ZNF225: variants seen among roughly 807,000 people sequenced by gnomAD.
ZNF225 encodes zinc finger protein 225.
ZNF225 carries 6 observed loss-of-function variants against 12.0 expected under a neutral mutation model. The ratio of observed to expected loss-of-function variants is 0.50; its 90% CI spans 0.27 to 0.98. The LOEUF (loss-of-function observed/expected upper bound fraction) is 0.98, where lower values mean the gene tolerates loss of function less well. Among genes scored for constraint, ZNF225 ranks in the 50% least tolerant of loss-of-function variants. The pLI, the probability that ZNF225 is intolerant of heterozygous loss-of-function variation, is 0.11. For synonymous variants in ZNF225, 271 were observed against 283.2 expected, an observed-to-expected ratio of 0.96 and a Z score of 0.43; for missense variants, 763 against 848.2, an observed-to-expected ratio of 0.90 and a Z score of 1.25.
At chr19:44,117,029 A>G (rs1222180947) in intron 2 of ZNF225, among the ~76,000 whole-genome samples, 1 of 152,232 alleles carries the variant, frequency 6.6e-6, no homozygotes, top group East Asian at 1.9e-4. Flanking sequence ...TATTTAGAGT[A>G]GATAAAAATA....
Position 44,131,035 on chromosome 19 carries a change from A to T in ZNF225, c.421A>T (p.Ile141Phe), listed in dbSNP as rs772531464. The T allele has an allele frequency of 2.1e-5, 34 of 1,613,946 alleles. No individual in the cohort carries two copies. The highest frequency in any genetic ancestry group is 3.4e-6 in the Non-Finnish European group (4 of 1,179,928). Residue 141 changes from isoleucine (I) to phenylalanine (F), a missense_variant, in exon 5 of 5, where the codon ATT becomes TTT. Physicochemically the swap from Ile to Phe is conservative, Grantham distance 21. Coordinates refer to ENST00000262894, the MANE Select transcript of ZNF225 (RefSeq NM_013362.4). ...PCQVDAGLSI[I>F]HVRQKPSEGR... Reference sequence around the variant, plus strand: ...CCAGGTTGATGCAGGACTATCTATAATTCACGTAAGACAGAAACCTTCTGA... The same window carrying T: ...CCAGGTTGATGCAGGACTATCTATATTTCACGTAAGACAGAAACCTTCTGA...
At chr19:44,119,984 C>T (rs990268011) in intron 4 of ZNF225, among the ~76,000 whole-genome samples, 1 of 152,108 alleles carries the variant, frequency 6.6e-6, no homozygotes, top group Non-Finnish European at 1.5e-5. Context: ...TTTCGGAGAC[C>T]AAGGTGGGTG....
At chr19:44,126,851 C>T (rs1366808321) in intron 4 of ZNF225, among the ~76,000 whole-genome samples, 2 of 152,198 alleles carry the variant, frequency 1.3e-5, no homozygotes, top group Non-Finnish European at 1.5e-5. Context: ...CCTCACCCAG[C>T]TCCCATGCAA....
chr19:44,117,913 G>A (rs1284316157), intron 2 of ZNF225, among the ~76,000 whole-genome samples: 1 of 152,146 alleles, frequency 6.6e-6, no homozygotes, highest in African/African-American at 2.4e-5. Context: ...CAGCTACTTG[G>A]GAGGCTGAGG....
In ZNF225 at chr19:44,132,210, A is replaced by T. The variant is rs1344099518; in HGVS notation, c.1596A>T (p.Arg532Ser). Residue 532 changes from arginine to serine, a missense_variant, in exon 5 of 5, where the codon AGA (arginine) becomes AGT (serine). Transcript: ENST00000262894. ...ATTCACAACTTTATTCTCATCGCAG[A>T]GTCCACACTGGAGTAAAGCCATACA... Reference protein sequence around the residue: ...TQNSQLYSHRRVHTGVKPYKC... With the variant: ...TQNSQLYSHRSVHTGVKPYKC... 6.2e-7 allele frequency: 1 copy of T among 1,613,984 alleles called. No individual in the cohort carries two copies. The highest frequency in any genetic ancestry group is 1.1e-5 in the South Asian group (1 of 91,070).
chr19:44,131,359 G>A lies in ZNF225; in HGVS notation c.745G>A (p.Val249Ile), dbSNP rs370079398. The A allele has an allele frequency of 1.2e-6, 2 of 1,614,008 alleles. No homozygotes were observed. The highest frequency in any genetic ancestry group is 1.7e-6 in the Non-Finnish European group (2 of 1,180,014). ...KGFSRRSGLY[V>I]HRKLHTGVKP... ...CTTTAGTCGTAGATCAGGACTTTAT[G>A]TTCATCGTAAATTACACACAGGAGT... The change falls in exon 5 of 5, where the codon GTT (valine) becomes ATT (isoleucine). Residue 249 changes from valine (V) to isoleucine (I), a missense_variant. Val to Ile is a conservative substitution (Grantham distance 29). Coordinates refer to ENST00000262894, the MANE Select transcript of ZNF225 (RefSeq NM_013362.4).
chr19:44,121,015 G>A (rs1205998162), intron 4 of ZNF225, among the ~76,000 whole-genome samples: 1 of 152,024 alleles, frequency 6.6e-6, no homozygotes, highest in Admixed American at 6.6e-5. Flanking sequence ...TCCTGCCTCA[G>A]CCTCTCAAGT....
At chr19:44,115,727 G>A (rs749722323) in intron 1 of ZNF225, 33 bp from the exon 2 acceptor site, 74 of 1,201,050 alleles carry the variant, frequency 6.2e-5, no homozygotes, top group Non-Finnish European at 8.2e-5. Flanking sequence ...ACACTTTCAT[G>A]TCTCTTTTTC....
At chr19:44,120,260 T>A in intron 4 of ZNF225, among the ~76,000 whole-genome samples, 1 of 152,186 alleles carries the variant, frequency 6.6e-6, no homozygotes, top group East Asian at 1.9e-4. Context: ...CTTCTTGTGC[T>A]GTCTTGCACT....
At chr19:44,113,389 C>T (rs1426045633), upstream of ZNF225, 2 of 152,174 alleles carry the variant, frequency 1.3e-5, no homozygotes, top group Non-Finnish European at 2.9e-5. Flanking sequence ...GAAGTGGAGT[C>T]CAGACACTCA....
intron 4 of ZNF225, 50 bp from the exon 5 acceptor site, chr19:44,130,800 C>T (rs774504668): frequency 6.8e-7 from 1 of 1,480,388 alleles, no homozygotes; most frequent in South Asian, 1.3e-5. Context: ...CTTGATAACA[C>T]TGAATAAAAG....
At chr19:44,127,246 C>G (rs957410864) in intron 4 of ZNF225, among the ~76,000 whole-genome samples, 4 of 152,244 alleles carry the variant, frequency 2.6e-5, no homozygotes, top group Non-Finnish European at 4.4e-5. Context: ...GTATCTTACT[C>G]AGCTCTCTAA....
rs1298160216 is a variant in ZNF225 at position 44,131,650 on chromosome 19, T to A, written c.1036T>A (p.Cys346Ser). 6.2e-7 allele frequency: 1 copy of A among 1,613,972 alleles called. No homozygotes were observed. The highest frequency in any genetic ancestry group is 8.5e-7 in the Non-Finnish European group (1 of 1,179,996). Residue 346 changes from cysteine to serine, a missense_variant, in exon 5 of 5, where the codon TGT (cysteine) becomes AGT (serine). Physicochemically the swap from Cys to Ser is moderately radical, Grantham distance 112. Coordinates refer to ENST00000262894, the MANE Select transcript of ZNF225 (RefSeq NM_013362.4). The stretch of plus-strand genomic sequence containing the variant: ...CCACACAGGAGAGAAACGGTACAAA[T>A]GTGAGGAATGTGGAAAACGCTTCAT... Reference protein sequence around the residue: ...MVHTGEKRYKCEECGKRFIYR... With the variant: ...MVHTGEKRYKSEECGKRFIYR...
rs767945650 is a variant in ZNF225 at position 44,131,618 on chromosome 19, G to A, written c.1004G>A (p.Arg335His). ...CTGAAATCAGCACTTAATAGTCATC[G>A]CATGGTCCACACAGGAGAGAAACGG... ...FGLKSALNSH[R>H]MVHTGEKRYK... Residue 335 changes from arginine to histidine, a missense_variant, in exon 5 of 5, where the codon CGC becomes CAC. Physicochemically the swap from Arg to His is conservative, Grantham distance 29. Coordinates refer to ENST00000262894, the MANE Select transcript of ZNF225 (RefSeq NM_013362.4). The A allele has an allele frequency of 1.4e-5, 22 of 1,613,906 alleles. No homozygotes were observed. The highest frequency in any genetic ancestry group is 1.2e-4 in the Admixed American group (7 of 59,982).
intron 4 of ZNF225, chr19:44,129,232 C>T: frequency 1.5e-6 from 1 of 682,442 alleles, no homozygotes; most frequent in Non-Finnish European, 2.0e-6. Context: ...TTGTGAAGAG[C>T]TTAACCAATT....
chr19:44,124,765 A>G (rs1022117873), intron 4 of ZNF225, among the ~76,000 whole-genome samples: 12 of 152,172 alleles, frequency 7.9e-5, no homozygotes, highest in Admixed American at 2.0e-4. Flanking sequence ...ACATTATATA[A>G]TGTCCCTCTT....
In ZNF225 at chr19:44,113,436, G is replaced by A. The variant is rs1967871822; in HGVS notation, c.-202G>A. 1 of 152,288 alleles carries A rather than the reference G, an allele frequency of 6.6e-6. No individual in the cohort carries two copies. The highest frequency in any genetic ancestry group is 2.4e-5 in the African/African-American group (1 of 41,438). The allele number at this position is 152,288 out of a possible 1,614,324, so 9.4% of individuals were successfully genotyped here. On this transcript the variant is annotated 5_prime_UTR_variant, in exon 1 of 5. Transcript: ENST00000262894. ...GGCCACTTCCGCTCCGTTACTGTGA[G>A]GTTGCTGCAGTTTTGTCCCTGGTAG...
rs553420279 is a variant in ZNF225 at position 44,132,385 on chromosome 19, G to C, written c.1771G>C (p.Gly591Arg). 2 of 1,611,242 alleles carry C rather than the reference G, an allele frequency of 1.2e-6. No individual in the cohort carries two copies. Among genetic ancestry groups the C allele is most frequent in the African/African-American group, 1.4e-5 (1 of 73,908 alleles). Residue 591 changes from glycine (G) to arginine (R), a missense_variant, in exon 5 of 5, where the codon GGT becomes CGT. Gly to Arg is a moderately radical substitution (Grantham distance 125). Coordinates refer to ENST00000262894, the MANE Select transcript of ZNF225 (RefSeq NM_013362.4). Reference sequence around the variant, plus strand: ...TATTTTGAATCATAAGAGACTCCATGGTGATGAAAAGCCATTCAAATGTGA... The same window carrying C: ...TATTTTGAATCATAAGAGACTCCATCGTGATGAAAAGCCATTCAAATGTGA... ...SSILNHKRLH[G>R]DEKPFKCEEC...
intron 1 of ZNF225, chr19:44,114,171 G>GCTGC (rs1467892912): frequency 4.0e-6 from 4 of 999,654 alleles, no homozygotes; most frequent in African/African-American, 3.4e-5. Context: ...TTCCAAAAGA[G>GCTGC]CTGCAGGGAG....
Sources: allele counts gnomAD v4.1 joint callset (sites outside exome capture counted in the v4.1 genomes callset), GRCh38; gene constraint gnomAD v4.1.1; transcripts MANE v1.5; gene names NCBI Gene and HGNC (gene_info 2026-07-23, HGNC 2026-07-21).